The following DNAH17 variants were observed in gnomAD, a reference collection of about 807,000 sequenced individuals.
The protein encoded by DNAH17 is dynein axonemal heavy chain 17.
A neutral mutation model predicts 485.6 loss-of-function variants in DNAH17; 376 were observed. The ratio of observed to expected loss-of-function variants is 0.77; its 90% confidence interval spans 0.71 to 0.84. The LOEUF is 0.84. DNAH17 is among the 40% of genes least tolerant of loss of function. The pLI, the probability that DNAH17 is intolerant of heterozygous loss-of-function variation, is 0.00. For synonymous variants in DNAH17, 3,031 were observed against 2,405.9 expected (o/e 1.26, Z -7.60); for missense variants, 6,370 against 5,839.3 (o/e 1.09, Z -2.96).
At chr17:78,468,168 A>AT (rs1317875660) in intron 55 of DNAH17, among the ~76,000 whole-genome samples, 2 of 149,840 alleles carry the variant, frequency 1.3e-5, no homozygotes, top group Admixed American at 6.7e-5. Context: ...GTTAAAAAAA[A>AT]ATAATAAAAA....
intron 14 of DNAH17, among the ~76,000 whole-genome samples, chr17:78,554,390 T>C (rs1237711736): frequency 8.5e-6 from 1 of 118,038 alleles, no homozygotes; most frequent in African/African-American, 3.3e-5. Context: ...TGAGCCAAGA[T>C]CGCACCACTG....
At position 78,526,939 on chromosome 17, in the gene DNAH17, C is replaced by T. The variant is rs780662327; in HGVS notation, c.3565G>A (p.Val1189Met). 99 of 1,588,264 alleles carry T rather than the reference C, an allele frequency of 6.2e-5. No individual in the cohort carries two copies. Among genetic ancestry groups the T allele is most frequent in the Admixed American group, 4.1e-4 (23 of 55,904 alleles). The stretch of plus-strand genomic sequence containing the variant: ...ACCTCGTTGGCCTGGAGTGGTGCCA[C>T]GGTCAGCTTCACCTGAATGGCCAGT... ...KKLAIQVKLT[V>M]APLQANEVSI... Residue 1189 changes from valine (V) to methionine (M), a missense_variant, in exon 23 of 81, where the codon GTG (valine) becomes ATG (methionine). Coordinates refer to ENST00000389840, the MANE Select transcript of DNAH17 (RefSeq NM_173628.4).
At chr17:78,433,923 AGGAAGGAGGGAGGGAAGGAGGGAG>A (rs757445257) in intron 75 of DNAH17, 82 bp downstream of exon 75, 8,464 of 558,012 alleles carry the variant, frequency 0.015, 103 homozygotes, top group Admixed American at 0.053. Flanking sequence ...AAGGGAGGGA[AGGAAGGAGGGAGGGAAGGAGGGAG>A]GGAAGGAGGG....
chr17:78,426,894 A>G (rs2086491209), intron 78 of DNAH17, 32 bp downstream of exon 78: 1 of 1,573,970 alleles, frequency 6.4e-7, no homozygotes, highest in Admixed American at 1.9e-5. Context: ...CCATCCAGCC[A>G]CGTCCCTGGG....
chr17:78,545,264 G>A (rs541931442), intron 16 of DNAH17, among the ~76,000 whole-genome samples: 5 of 152,266 alleles, frequency 3.3e-5, no homozygotes, highest in South Asian at 2.1e-4. Context: ...TTGTTAGAAG[G>A]ATTTCCTTTT....
chr17:78,478,891 T>C (rs1455353275), intron 51 of DNAH17, 134 bp downstream of exon 51: 7 of 703,400 alleles, frequency 1.0e-5, no homozygotes, highest in Non-Finnish European at 1.7e-5. Context: ...ACCACCATTA[T>C]TATCATCATT....
At chr17:78,524,102 G>A (rs533091858) in intron 25 of DNAH17, among the ~76,000 whole-genome samples, 11 of 152,156 alleles carry the variant, frequency 7.2e-5, no homozygotes, top group East Asian at 1.9e-4. Flanking sequence ...TGAGGTCATC[G>A]GGGCGTGGCC....
rs1452028816 is a variant in DNAH17, at chr17:78,434,166, G to C, written c.12088C>G (p.Leu4030Val). 1 of 1,613,558 alleles carries C rather than the reference G, an allele frequency of 6.2e-7. No individual in the cohort carries two copies. ...EMEFKCMLFA[L>V]CYFHAVVAER... ...GCCACCACAGCGTGGAAGTAGCACA[G>C]GGCGAAGAGCATGCACTTGAACTCC... The change falls in exon 75 of 81, where the codon CTG becomes GTG. Residue 4030 changes from leucine to valine, a missense_variant. Leu to Val is a conservative substitution (Grantham distance 32). Coordinates refer to ENST00000389840, the MANE Select transcript of DNAH17 (RefSeq NM_173628.4).
rs1318293918 is a variant in DNAH17, at chr17:78,466,786, C to G, written c.8809G>C (p.Val2937Leu). The change falls in exon 56 of 81, where the codon GTG becomes CTG. Residue 2937 changes from valine to leucine, a missense_variant. Coordinates refer to ENST00000389840, the MANE Select transcript of DNAH17 (RefSeq NM_173628.4). ...VILCFSPVGS[V>L]LRVRARKFPA... ...AACTTTCTGGCTCGTACCCGCAGCA[C>G]GGAGCCCACAGGGGAGAAACACAGG... is the stretch of plus-strand genomic sequence containing the variant. The G allele has an allele frequency of 6.9e-6, 11 of 1,602,036 alleles. No homozygotes were observed. Among genetic ancestry groups the G allele is most frequent in the South Asian group, 4.5e-5 (4 of 89,146 alleles).
chr17:78,560,766 G>A lies in DNAH17; in HGVS notation c.2005C>T (p.Leu669Phe). Residue 669 changes from leucine to phenylalanine, a missense_variant, in exon 13 of 81, where the codon CTC (leucine) becomes TTC (phenylalanine). Leu to Phe is a conservative substitution (Grantham distance 22, BLOSUM62 0). Coordinates refer to ENST00000389840, the MANE Select transcript of DNAH17 (RefSeq NM_173628.4). The part of the protein sequence containing the change: ...PLILRDAASN[L>F]IHVNFSKALV... ...GCTTTGCTGAAGTTGACGTGGATGA[G>A]GTTGCTAGCGGCGTCCCGCAGAATC... 2 of 1,552,044 alleles carry A rather than the reference G, an allele frequency of 1.3e-6. No individual in the cohort carries two copies. The highest frequency in any genetic ancestry group is 1.4e-5 in the African/African-American group (1 of 73,182).
chr17:78,449,733 A>G, intron 68 of DNAH17, 149 bp from the exon 69 acceptor site: 1 of 768,918 alleles, frequency 1.3e-6, no homozygotes, highest in Non-Finnish European at 2.1e-6. Context: ...GCTGGAGTGC[A>G]GTGGCGTGAT....
chr17:78,529,377 T>A (rs1315422930), intron 22 of DNAH17, 95 bp downstream of exon 22: 3 of 1,194,048 alleles, frequency 2.5e-6, no homozygotes, highest in Non-Finnish European at 3.7e-6. Flanking sequence ...GCCCACAGCA[T>A]CCCCCATGGT....
Position 78,441,092 on chromosome 17 carries a change from A to T in DNAH17, c.11636T>A (p.Leu3879His), listed in dbSNP as rs1428069395. The T allele has an allele frequency of 3.1e-6, 5 of 1,612,186 alleles. No homozygotes were observed. Among genetic ancestry groups the T allele is most frequent in the Non-Finnish European group, 3.4e-6 (4 of 1,179,170 alleles). The change falls in exon 72 of 81, where the codon CTC becomes CAC. Residue 3879 changes from leucine to histidine, a missense_variant. Physicochemically the swap from Leu to His is moderately conservative, Grantham distance 99. Coordinates refer to ENST00000389840, the MANE Select transcript of DNAH17 (RefSeq NM_173628.4). ...SSPSTSIFFI[L>H]SPGVDPLKDV... ...TTTCAAGGGGTCAACCCCCGGGGAG[A>T]GGATGAAGAAGATTGACGTGGAGGG...
Position 78,454,720 on chromosome 17 carries a change from A to T in DNAH17, c.10171-15T>A. ...GGGATGGGGACCTGCCCAGGGAGGC[A>T]CACTTTCTTAGAGGGGGTAATGCGA... On this transcript the variant is annotated splice_polypyrimidine_tract_variant and intron_variant, in intron 63 of 80. Coordinates refer to ENST00000389840, the MANE Select transcript of DNAH17 (RefSeq NM_173628.4). 1 of 1,604,722 alleles carries T rather than the reference A, an allele frequency of 6.2e-7. No individual in the cohort carries two copies. Among genetic ancestry groups the T allele is most frequent in the Non-Finnish European group, 8.5e-7 (1 of 1,175,192 alleles).
At chr17:78,508,427 T>C (rs949997349) in intron 27 of DNAH17, among the ~76,000 whole-genome samples, 1 of 152,256 alleles carries the variant, frequency 6.6e-6, no homozygotes, top group African/African-American at 2.4e-5. Flanking sequence ...TTTCTGCAAC[T>C]CAGTACTTAA....
At chr17:78,483,036 A>T (rs1459738476) in intron 48 of DNAH17, among the ~76,000 whole-genome samples, 1 of 152,106 alleles carries the variant, frequency 6.6e-6, no homozygotes, top group Non-Finnish European at 1.5e-5. Context: ...CTCACAGTAG[A>T]CCTGCCTGCA....
At chr17:78,426,348 C>CA in intron 79 of DNAH17, 109 bp downstream of exon 79, 1 of 1,344,506 alleles carries the variant, frequency 7.4e-7, no homozygotes, top group Non-Finnish European at 9.8e-7. Flanking sequence ...GACAGGCCCC[C>CA]AGGAGCCTCC....
intron 70 of DNAH17, 26 bp downstream of exon 70, chr17:78,445,529 CACA>C (rs1257005111): frequency 2.8e-5 from 43 of 1,555,736 alleles, no homozygotes; most frequent in Non-Finnish European, 3.6e-5. Flanking sequence ...GGGGAGAAAG[CACA>C]ACGTGTTCAA....
In DNAH17 at chr17:78,527,001, G is replaced by T. The variant is rs113319497; in HGVS notation, c.3508-5C>A. ...TGCCCAGTGCTCCGGCAGCTCCTGC[G>T]GGAAGCAAAGGCAGAGGAGGGCTCC... On this transcript the variant is annotated splice_region_variant and splice_polypyrimidine_tract_variant and intron_variant, in intron 22 of 80. Transcript: ENST00000389840. 4.5e-6 allele frequency: 7 copies of T among 1,560,996 alleles called. No homozygotes were observed. The highest frequency in any genetic ancestry group is 1.4e-5 in the African/African-American group (1 of 73,672).
Sources: gnomAD v4.1 joint callset for allele counts (sites outside exome capture counted in the v4.1 genomes callset) on GRCh38, gnomAD v4.1.1 for gene constraint, MANE v1.5 for transcripts, NCBI Gene and HGNC (gene_info 2026-07-23, HGNC 2026-07-21) for gene names.